CYFIP1: variants seen among roughly 807,000 people sequenced by gnomAD.
The protein encoded by CYFIP1 is cytoplasmic FMR1 interacting protein 1.
Under a neutral mutation model 163.5 loss-of-function variants are expected in CYFIP1, and 58 were observed. The ratio of observed to expected loss-of-function variants is 0.35; its 90% CI spans 0.29 to 0.44. The LOEUF (loss-of-function observed/expected upper bound fraction) is 0.44. Ranked by LOEUF, CYFIP1 falls within the 20% of genes least tolerant of loss-of-function variation. CYFIP1 has a pLI of 1.00. For missense variants in CYFIP1, 1,338 were observed against 1,653.8 expected, an observed-to-expected ratio of 0.81 and a Z score of 3.31; for synonymous variants, 663 against 660.7, an observed-to-expected ratio of 1.00 and a Z score of -0.05.
chr15:22,949,294 G>A (rs920999083), intron 1 of CYFIP1, among the ~76,000 whole-genome samples: 2 of 82,072 alleles, frequency 2.4e-5, no homozygotes, highest in African/African-American at 9.1e-5. Flanking sequence ...CAGGCGGGCC[G>A]GAAGGCGGGC....
intron 9 of CYFIP1, 81 bp downstream of exon 9, chr15:22,937,023 A>G: frequency 1.1e-6 from 1 of 920,750 alleles, no homozygotes; most frequent in Admixed American, 1.9e-5. Flanking sequence ...TATAGATCAC[A>G]GTCACACAGG....
At chr15:22,927,799 C>T in intron 12 of CYFIP1, 107 bp downstream of exon 12, 1 of 1,145,448 alleles carries the variant, frequency 8.7e-7, no homozygotes, top group Non-Finnish European at 1.2e-6. Context: ...GATAGATATT[C>T]TCGTCTTTCT....
intron 1 of CYFIP1, among the ~76,000 whole-genome samples, chr15:22,957,792 A>G (rs1471479558): frequency 1.3e-5 from 2 of 152,218 alleles, no homozygotes; most frequent in Non-Finnish European, 2.9e-5. Flanking sequence ...ACTTCCCAGA[A>G]AAGTAGAAAC....
intron 1 of CYFIP1, among the ~76,000 whole-genome samples, chr15:22,948,808 T>TA (rs3083516): frequency 0.49 from 68,724 of 139,620 alleles, 17,036 homozygotes; most frequent in Middle Eastern, 0.59. Flanking sequence ...TACTGAAATG[T>TA]AAAAAAAAAA....
At chr15:22,900,138 T>C (rs1317691168) in intron 22 of CYFIP1, among the ~76,000 whole-genome samples, 1 of 152,142 alleles carries the variant, frequency 6.6e-6, no homozygotes, top group Non-Finnish European at 1.5e-5. Flanking sequence ...GACAAGGTCA[T>C]ACTGGAGTAG....
chr15:22,951,544 C>G (rs1212947716), intron 1 of CYFIP1: 10 of 1,287,418 alleles, frequency 7.8e-6, no homozygotes, highest in South Asian at 7.4e-5. Flanking sequence ...TCCTGCGACT[C>G]CAGCCCAGAG....
chr15:22,909,318 C>A lies in CYFIP1; in HGVS notation c.2269-5G>T. 6.2e-7 allele frequency: 1 copy of A among 1,613,802 alleles called. No homozygotes were observed. The highest frequency in any genetic ancestry group is 1.3e-5 in the African/African-American group (1 of 74,986). On this transcript the variant is annotated splice_polypyrimidine_tract_variant and splice_region_variant and intron_variant, in intron 20 of 30. Coordinates refer to ENST00000617928, the MANE Select transcript of CYFIP1 (RefSeq NM_014608.6). ...GTCTATTGATCTGCCGAGGAGCTGGCGTACACAGGGAAGGATGGCAGGTAA... is the reference window on the plus strand; with the variant it reads ...GTCTATTGATCTGCCGAGGAGCTGGAGTACACAGGGAAGGATGGCAGGTAA...
chr15:22,929,460 C>T (rs1170636471), intron 11 of CYFIP1, among the ~76,000 whole-genome samples: 1 of 151,678 alleles, frequency 6.6e-6, no homozygotes, highest in Non-Finnish European at 1.5e-5. Context: ...GGTGAAACCC[C>T]GTCTCTACTA....
At position 22,963,560 on chromosome 15, in the gene CYFIP1, A is replaced by ATAACATAACAT. The variant is rs199915541; in HGVS notation, c.-6-16270_-6-16269insATGTTATGTTA. On this transcript the variant is annotated intron_variant, in intron 1 of 30. Coordinates refer to ENST00000617928, the MANE Select transcript of CYFIP1 (RefSeq NM_014608.6). ...ATAACATAACATAACATAACATAAG[A>ATAACATAACAT]AAGAATGAAATATCCCCCTGAAAAC... Among the ~76,000 whole-genome samples, 388 of 118,786 alleles carry ATAACATAACAT rather than the reference A, an allele frequency of 3.3e-3. 2 individuals carry two copies. The highest frequency in any genetic ancestry group is 4.8e-3 in the African/African-American group (156 of 32,354). The allele number at this position is 118,786 out of a possible 152,430, so 77.9% of individuals were successfully genotyped here.
intron 23 of CYFIP1, among the ~76,000 whole-genome samples, chr15:22,888,664 G>A (rs1033942463): frequency 2.2e-4 from 34 of 151,486 alleles, no homozygotes; most frequent in African/African-American, 7.8e-4. Context: ...CCTGGGAGGC[G>A]GAGGTTTCAG....
At chr15:22,932,502 C>T (rs371030740) in intron 10 of CYFIP1, among the ~76,000 whole-genome samples, 162 bp from the exon 11 acceptor site, 65 of 152,290 alleles carry the variant, frequency 4.3e-4, no homozygotes, top group African/African-American at 1.4e-3. Context: ...CGAAGGAGAC[C>T]ACCTGTGGCC....
chr15:22,941,053 T>C (rs946946892), intron 6 of CYFIP1, among the ~76,000 whole-genome samples: 6 of 151,966 alleles, frequency 3.9e-5, no homozygotes, highest in African/African-American at 1.5e-4. Context: ...GAAAAAACCA[T>C]GTTTCCTTTT....
intron 22 of CYFIP1, among the ~76,000 whole-genome samples, chr15:22,896,519 ATTT>A (rs1010666711): frequency 6.6e-6 from 1 of 150,792 alleles, no homozygotes; most frequent in African/African-American, 2.4e-5. Flanking sequence ...TTTTTTCATC[ATTT>A]TTTTCTTTTG....
At chr15:22,925,653 G>A (rs905906758) in intron 13 of CYFIP1, among the ~76,000 whole-genome samples, 19 of 152,120 alleles carry the variant, frequency 1.2e-4, no homozygotes, top group African/African-American at 3.9e-4. Context: ...GGAGTGCAGC[G>A]CCTGCCTCAC....
At chr15:22,958,938 TCTCAATCG>T (rs1240869604) in intron 1 of CYFIP1, among the ~76,000 whole-genome samples, 2 of 152,156 alleles carry the variant, frequency 1.3e-5, no homozygotes, top group African/African-American at 4.8e-5. Context: ...CAGAATAAAG[TCTCAATCG>T]CTCATAGAAC....
chr15:22,903,960 C>A, intron 21 of CYFIP1, 55 bp from the exon 22 acceptor site: 1 of 1,542,114 alleles, frequency 6.5e-7, no homozygotes, highest in Non-Finnish European at 8.9e-7. Context: ...AGGAAGGAGG[C>A]GCCGAGTGGC....
chr15:22,879,997 G>C lies in CYFIP1; in HGVS notation c.2958C>G (p.Tyr986Ter). ...FHHQLKDIVE[Y>*]AELKTVCFQN... Reference sequence around the variant, plus strand: ...GGAAGCACACCGTCTTCAGCTCTGCGTACTCCACGATGTCCTTCAGCTGGT... The same window carrying C: ...GGAAGCACACCGTCTTCAGCTCTGCCTACTCCACGATGTCCTTCAGCTGGT... The change falls in exon 26 of 31, where the codon TAC (tyrosine) becomes TAG (stop). Residue 986 changes from tyrosine to a stop codon, truncating the protein, a stop_gained. Transcript: ENST00000617928. LOFTEE classifies it high-confidence loss of function. 6.2e-7 allele frequency: 1 copy of C among 1,613,944 alleles called. No individual in the cohort carries two copies. The highest frequency in any genetic ancestry group is 1.3e-5 in the African/African-American group (1 of 75,000).
Position 22,917,397 on chromosome 15 carries a change from G to C in CYFIP1, c.1674+391C>G, listed in dbSNP as rs375231393. Reference sequence around the variant, plus strand: ...TGGGCAGCTTAGGACCATGACACACGCAAGCAGCACCTCACAGTTTCCCAC... The same window carrying C: ...TGGGCAGCTTAGGACCATGACACACCCAAGCAGCACCTCACAGTTTCCCAC... On this transcript the variant is annotated intron_variant, in intron 15 of 30. Transcript: ENST00000617928. This position sits in a 1 kb window ranked among gnomAD's most constrained non-coding sequence, Gnocchi z 4.2. 2.4e-6 allele frequency: 2 copies of C among 837,796 alleles called. No homozygotes were observed. Among genetic ancestry groups the C allele is most frequent in the African/African-American group, 1.8e-5 (1 of 56,638 alleles). 51.9% of individuals were successfully genotyped at this position (837,796 alleles called of 1,614,324 possible). A position where few individuals can be genotyped will look rare whatever the true frequency, so the allele number is the denominator to read the frequency against.
In CYFIP1 at chr15:22,939,229, A is replaced by G; in HGVS notation, c.758T>C (p.Met253Thr). ...NLCVDYYENR[M>T]YLTPSEKHML... The stretch of plus-strand genomic sequence containing the variant: ...GTGTTTCTCACTGGGCGTCAAATAC[A>G]TCCTGTTCTCGTAGTAATCCACACA... The change falls in exon 8 of 31, where the codon ATG becomes ACG. Residue 253 changes from methionine to threonine, a missense_variant. By Grantham distance (81) the Met-to-Thr change is moderately conservative. Coordinates refer to ENST00000617928, the MANE Select transcript of CYFIP1 (RefSeq NM_014608.6). 1 of 1,614,214 alleles carries G rather than the reference A, an allele frequency of 6.2e-7. No individual in the cohort carries two copies. Among genetic ancestry groups the G allele is most frequent in the Non-Finnish European group, 8.5e-7 (1 of 1,180,036 alleles).
Sources: gnomAD v4.1 joint callset for allele counts (sites outside exome capture counted in the v4.1 genomes callset) on GRCh38, gnomAD v4.1.1 for gene constraint, Gnocchi (gnomAD v3.1) non-coding constraint, MANE v1.5 for transcripts, NCBI Gene and HGNC (gene_info 2026-07-23, HGNC 2026-07-21) for gene names.